The following LIN28B variants were observed in gnomAD, a reference collection of about 807,000 sequenced individuals.
LIN28B encodes the protein protein lin-28 homolog B.
A neutral mutation model predicts 21.9 loss-of-function variants in LIN28B; 5 were observed. That is an observed-to-expected ratio of 0.23 (90% CI 0.12 to 0.48). LIN28B has a LOEUF of 0.48. LIN28B is among the 20% of genes least tolerant of loss of function. The probability of loss-of-function intolerance (pLI) is 0.98; values close to 1 mark genes in which losing one functional copy is unlikely to be tolerated. For missense variants in LIN28B, 245 were observed against 310.5 expected (o/e 0.79, Z 1.58); for synonymous variants, 109 against 111.3 (o/e 0.98, Z 0.13).
At chr6:105,050,065 G>T (rs186040362) in intron 3 of LIN28B, among the ~76,000 whole-genome samples, 1 of 152,194 alleles carries the variant, frequency 6.6e-6, no homozygotes, top group African/African-American at 2.4e-5. Flanking sequence ...TGGTTATTTT[G>T]CTCGTTAGTT....
chr6:104,941,872 G>A (rs1019887180), intron 2 of LIN28B, among the ~76,000 whole-genome samples: 2 of 152,172 alleles, frequency 1.3e-5, no homozygotes, highest in Non-Finnish European at 2.9e-5. Context: ...AAAATTGCAC[G>A]TTGGTAAATA....
At chr6:105,074,391 G>T (rs1046841486) in intron 3 of LIN28B, among the ~76,000 whole-genome samples, 2 of 152,038 alleles carry the variant, frequency 1.3e-5, no homozygotes, top group African/African-American at 4.8e-5. Flanking sequence ...GCAGAGACAG[G>T]GTTTCACCAT....
intron 3 of LIN28B, among the ~76,000 whole-genome samples, chr6:105,055,736 GGTT>G (rs570013303): frequency 1.3e-5 from 2 of 151,872 alleles, no homozygotes; most frequent in East Asian, 1.9e-4. Context: ...TAATATTCCT[GGTT>G]GTTGTTGTTG....
At position 105,027,198 on chromosome 6, in the gene LIN28B, G is replaced by A. The variant is rs150616475; in HGVS notation, c.383+716G>A. 4.9e-4 allele frequency among the ~76,000 whole-genome samples: 74 copies of A among 151,980 alleles called. 2 individuals are homozygous for A. In the East Asian group the frequency reaches 0.012, roughly 25 times the overall value. On this transcript the variant is annotated intron_variant, in intron 3 of 3. Transcript: ENST00000345080. Reference sequence around the variant, plus strand: ...GGTAAATACTTAATAGTGAAAATCTGGATCAAAAAAATATGTATTTTAAAA... The same window carrying A: ...GGTAAATACTTAATAGTGAAAATCTAGATCAAAAAAATATGTATTTTAAAA...
At chr6:105,036,964 ATG>A (rs1771534099) in intron 3 of LIN28B, among the ~76,000 whole-genome samples, 1 of 152,150 alleles carries the variant, frequency 6.6e-6, no homozygotes, top group South Asian at 2.1e-4. Flanking sequence ...AATATTAAGT[ATG>A]TAGATGTTTA....
rs548871371 is a variant in LIN28B, at chr6:104,944,972, T to A, written c.19-5489T>A. Among the ~76,000 whole-genome samples, 4 of 152,254 alleles carry A rather than the reference T, an allele frequency of 2.6e-5. No individual in the cohort carries two copies. The South Asian group carries it at 8.3e-4, about 32-fold the overall frequency. ...TAATGGTGGAAAAACATGTTTACAA[T>A]TTTCTAGATATTTTGAAATCAGTAT... On this transcript the variant is annotated intron_variant, in intron 2 of 5. Coordinates refer to the LIN28B transcript ENST00000635857.
intron 2 of LIN28B, among the ~76,000 whole-genome samples, chr6:105,003,720 A>T (rs1424658808): frequency 6.6e-6 from 1 of 151,982 alleles, no homozygotes; most frequent in Non-Finnish European, 1.5e-5. Context: ...ACTATATGTT[A>T]GCCAGGCTGG....
At chr6:105,046,808 A>C (rs578130515) in intron 3 of LIN28B, among the ~76,000 whole-genome samples, 1 of 152,192 alleles carries the variant, frequency 6.6e-6, no homozygotes, top group African/African-American at 2.4e-5. Context: ...GGCTGCATAA[A>C]TGTCTTCTTT....
chr6:105,059,171 C>A (rs1772078792), intron 3 of LIN28B, among the ~76,000 whole-genome samples: 2 of 151,776 alleles, frequency 1.3e-5, no homozygotes, highest in African/African-American at 4.8e-5. Flanking sequence ...TAGCCCCTTT[C>A]TTGAATGCGA....
chr6:104,956,243 C>A (rs903634575), upstream of LIN28B, among the ~76,000 whole-genome samples: 1 of 152,084 alleles, frequency 6.6e-6, no homozygotes, highest in Non-Finnish European at 1.5e-5. Context: ...ATCCCCTCCC[C>A]CTCCTGCCCT....
intron 3 of LIN28B, among the ~76,000 whole-genome samples, chr6:105,031,683 A>G (rs6902142): frequency 0.23 from 35,046 of 151,592 alleles, 4,395 homozygotes; most frequent in African/African-American, 0.34. Context: ...ACAGGCACCC[A>G]CCACCACACG....
chr6:105,019,189 C>T (rs1173213955), intron 2 of LIN28B, among the ~76,000 whole-genome samples: 1 of 152,178 alleles, frequency 6.6e-6, no homozygotes, highest in Non-Finnish European at 1.5e-5. Context: ...CTTAGGCAAT[C>T]CAGCCGCCTC....
chr6:105,004,975 C>T (rs1207428026), intron 2 of LIN28B, among the ~76,000 whole-genome samples: 3 of 152,106 alleles, frequency 2.0e-5, no homozygotes, highest in Non-Finnish European at 4.4e-5. Context: ...TTTTAGATCA[C>T]GTGTCTTCAT....
At chr6:104,999,133 A>G (rs1048698963) in intron 2 of LIN28B, among the ~76,000 whole-genome samples, 4 of 152,306 alleles carry the variant, frequency 2.6e-5, no homozygotes, top group Middle Eastern at 3.4e-3. Context: ...TTAGTAGATG[A>G]AAGTTTGGCA....
chr6:104,959,517 T>C (rs1253589157), intron 2 of LIN28B, among the ~76,000 whole-genome samples: 1 of 152,220 alleles, frequency 6.6e-6, no homozygotes, highest in Non-Finnish European at 1.5e-5. Context: ...CTGTGGTGCT[T>C]GGTAGCTTCC....
At chr6:105,040,690 A>G (rs934109751) in intron 3 of LIN28B, among the ~76,000 whole-genome samples, 1 of 152,042 alleles carries the variant, frequency 6.6e-6, no homozygotes, top group Non-Finnish European at 1.5e-5. Flanking sequence ...CTAAGCTATA[A>G]ACACCAAAGC....
chr6:105,020,528 A>G (rs1429975176), intron 2 of LIN28B, among the ~76,000 whole-genome samples: 1 of 151,924 alleles, frequency 6.6e-6, no homozygotes, highest in East Asian at 1.9e-4. Flanking sequence ...CATGTTGCAC[A>G]GGCTGGCCTA....
intron 2 of LIN28B, among the ~76,000 whole-genome samples, chr6:104,950,081 G>A (rs1407420111): frequency 2.0e-5 from 3 of 152,010 alleles, no homozygotes; most frequent in African/African-American, 7.2e-5. Flanking sequence ...AGTTCTTCAA[G>A]AAACATGATA....
chr6:104,988,178 C>T (rs314286), intron 2 of LIN28B, among the ~76,000 whole-genome samples: 103,520 of 152,142 alleles, frequency 0.68, 35,304 homozygotes, highest in South Asian at 0.72. Flanking sequence ...AAGCATGATA[C>T]TAGCTACAGA....
Sources: gnomAD v4.1 joint callset for allele counts (sites outside exome capture counted in the v4.1 genomes callset) on GRCh38, gnomAD v4.1.1 for gene constraint, MANE v1.5 for transcripts, NCBI Gene and HGNC (gene_info 2026-07-23, HGNC 2026-07-21) for gene names.